Variants in AOPEP observed in about 807,000 individuals in gnomAD.
The protein encoded by AOPEP is aminopeptidase O.
In AOPEP, 77 loss-of-function variants were observed where a neutral mutation model predicts 98.1. That is an observed-to-expected ratio of 0.78 (90% confidence interval 0.65 to 0.95). The LOEUF (loss-of-function observed/expected upper bound fraction) is 0.95, where lower values mean the gene tolerates loss of function less well. Ranked by LOEUF, AOPEP falls within the 40% of genes least tolerant of loss-of-function variation. AOPEP has a pLI of 0.00. For missense variants in AOPEP, 1,024 were observed against 1,024.7 expected (o/e 1.00, Z 0.01); for synonymous variants, 346 against 365.3 (o/e 0.95, Z 0.60).
rs1554767812 is a variant in AOPEP, at chr9:94,916,710, T to TAAA, written c.1365-7276_1365-7275insAAA. Among the ~76,000 whole-genome samples the TAAA allele has an allele frequency of 7.1e-4, 102 of 143,084 alleles. 1 individual carries two copies. Among genetic ancestry groups the TAAA allele is most frequent in the African/African-American group, 1.0e-3 (38 of 36,262 alleles). The allele number at this position is 143,084 out of a possible 152,430, so 93.9% of individuals were successfully genotyped here. ...ACTCCCTCTCAAAAAAAAAAAAAAA[T>TAAA]TAAATAAATAAATAAATAAATAAAT... On this transcript the variant is annotated intron_variant, in intron 5 of 16. Transcript: ENST00000375315.
chr9:94,903,892 T>TAA (rs10658054), intron 5 of AOPEP, among the ~76,000 whole-genome samples: 13,188 of 96,546 alleles, frequency 0.14, 1,358 homozygotes, highest in African/African-American at 0.25. Context: ...AGACTCTGTC[T>TAA]AAAAAAAAAA....
the AOPEP span, chr9:95,142,667 A>G: frequency 6.6e-6 from 1 of 152,120 alleles, no homozygotes; most frequent in Non-Finnish European, 1.5e-5. Context: ...CTGTTATCCC[A>G]CTATACTTAT....
In AOPEP at chr9:94,930,239, A is replaced by G. The variant is rs900887024; in HGVS notation, c.1661+1708A>G. ...AATGTGTTTTGGCTGTGGAACGGGC[A>G]GGTCTTTGGTTGATTGAATGTGGAG... On this transcript the variant is annotated intron_variant, in intron 7 of 16. Coordinates refer to ENST00000375315, the MANE Select transcript of AOPEP (RefSeq NM_001193329.3). The surrounding 1 kb of genome is among the most constrained non-coding windows in gnomAD (Gnocchi z 4.5). 6.6e-6 allele frequency among the ~76,000 whole-genome samples: 1 copy of G among 152,186 alleles called. No individual in the cohort carries two copies. The highest frequency in any genetic ancestry group is 1.5e-5 in the Non-Finnish European group (1 of 68,032).
chr9:95,045,093 A>G (rs2065719833), intron 13 of AOPEP, among the ~76,000 whole-genome samples: 1 of 152,240 alleles, frequency 6.6e-6, no homozygotes, highest in Non-Finnish European at 1.5e-5. Context: ...GTTGGGCGTC[A>G]CAGCGCTTGT....
At chr9:94,800,076 G>A (rs1389554018) in intron 4 of AOPEP, among the ~76,000 whole-genome samples, 1 of 152,150 alleles carries the variant, frequency 6.6e-6, no homozygotes, top group Non-Finnish European at 1.5e-5. Flanking sequence ...GCAGGCTGGG[G>A]TCTGATCTGT....
At chr9:94,749,492 T>C (rs773948611) in intron 1 of AOPEP, among the ~76,000 whole-genome samples, 43 of 152,328 alleles carry the variant, frequency 2.8e-4, no homozygotes, top group Non-Finnish European at 5.6e-4. Flanking sequence ...GTATTTTTTT[T>C]GTGACCACAT....
intron 5 of AOPEP, among the ~76,000 whole-genome samples, chr9:94,860,124 T>C (rs1166412622): frequency 1.3e-5 from 2 of 152,222 alleles, no homozygotes; most frequent in South Asian, 2.1e-4. Context: ...GAGGCAGTGA[T>C]GTAGAAGCTG....
At chr9:95,110,342 A>G in the AOPEP span, 36 of 1,018,442 alleles carry the variant, frequency 3.5e-5, no homozygotes, top group Non-Finnish European at 3.9e-5. Context: ...TCAGAATCAA[A>G]TAAGACAGAA....
intron 13 of AOPEP, chr9:95,019,412 G>A (rs925955753): frequency 3.9e-5 from 6 of 152,094 alleles, no homozygotes; most frequent in Non-Finnish European, 7.4e-5. Context: ...TTTTTTATAC[G>A]CAGTAAGTCG....
At chr9:95,048,143 A>C (rs1173081843) in intron 13 of AOPEP, among the ~76,000 whole-genome samples, 2 of 150,366 alleles carry the variant, frequency 1.3e-5, no homozygotes, top group South Asian at 4.2e-4. Context: ...TTTTTTTTTC[A>C]GTTGCAGCCG....
chr9:95,120,060 G>T, the AOPEP span, among the ~76,000 whole-genome samples: 2 of 152,056 alleles, frequency 1.3e-5, no homozygotes, highest in Admixed American at 1.3e-4. Context: ...TTTTTCCTAT[G>T]GTTAGTGCTT....
At chr9:95,013,100 G>C (rs774601631) in intron 13 of AOPEP, among the ~76,000 whole-genome samples, 7 of 149,576 alleles carry the variant, frequency 4.7e-5, no homozygotes, top group Admixed American at 1.4e-4. Flanking sequence ...CCTTGAGTTT[G>C]TCACGTGACC....
chr9:94,871,088 CA>C (rs2046301676), intron 5 of AOPEP, among the ~76,000 whole-genome samples: 1 of 152,244 alleles, frequency 6.6e-6, no homozygotes, highest in Admixed American at 6.5e-5. Flanking sequence ...CCATTCTCTG[CA>C]AAGGTCTGTA....
At chr9:95,073,513 G>C (rs867796093) in intron 14 of AOPEP, among the ~76,000 whole-genome samples, 2 of 151,564 alleles carry the variant, frequency 1.3e-5, no homozygotes, top group Non-Finnish European at 2.9e-5. Context: ...GGCCGGGCGC[G>C]GGGGCTCCCG....
At chr9:94,780,554 T>C (rs1364368028) in intron 3 of AOPEP, among the ~76,000 whole-genome samples, 1 of 152,206 alleles carries the variant, frequency 6.6e-6, no homozygotes, top group Non-Finnish European at 1.5e-5. Context: ...ACAGGGTTTA[T>C]CAGAGGACAA....
intron 10 of AOPEP, among the ~76,000 whole-genome samples, chr9:94,974,919 T>C (rs1216328088): frequency 6.6e-6 from 1 of 152,188 alleles, no homozygotes; most frequent in Non-Finnish European, 1.5e-5. Context: ...CCTGTATTTG[T>C]TTGTCTGTAA....
intron 11 of AOPEP, among the ~76,000 whole-genome samples, chr9:94,996,385 TG>T (rs1564498102): frequency 1.6e-3 from 237 of 144,826 alleles, no homozygotes; most frequent in African/African-American, 5.5e-3. Flanking sequence ...TGTGTGTGTG[TG>T]TGTGTGAGAG....
At chr9:94,778,259 A>G (rs1291190055) in intron 3 of AOPEP, among the ~76,000 whole-genome samples, 1 of 152,188 alleles carries the variant, frequency 6.6e-6, no homozygotes, top group Non-Finnish European at 1.5e-5. Flanking sequence ...ACTTAAACAT[A>G]TATTTACACG....
intron 7 of AOPEP, among the ~76,000 whole-genome samples, chr9:94,944,365 A>C (rs531987669): frequency 6.6e-6 from 1 of 152,330 alleles, no homozygotes; most frequent in African/African-American, 2.4e-5. Flanking sequence ...GATAATCAAA[A>C]TGTGTTATAT....
Sources: allele counts gnomAD v4.1 joint callset (sites outside exome capture counted in the v4.1 genomes callset), GRCh38; gene constraint gnomAD v4.1.1; non-coding constraint Gnocchi (gnomAD v3.1); transcripts MANE v1.5; gene names NCBI Gene and HGNC (gene_info 2026-07-23, HGNC 2026-07-21).